Variants in DNAH11 observed in about 807,000 individuals in gnomAD.
DNAH11 encodes axonemal beta dynein heavy chain 11.
Under a neutral mutation model 526.0 loss-of-function variants are expected in DNAH11, and 442 were observed. The ratio of observed to expected loss-of-function variants is 0.84; its 90% CI spans 0.78 to 0.91. The LOEUF is 0.91. Ranked by LOEUF, DNAH11 falls within the 40% of genes least tolerant of loss-of-function variation. The probability of loss-of-function intolerance (pLI) is 0.00; values close to 1 mark genes in which losing one functional copy is unlikely to be tolerated. For synonymous variants in DNAH11, 2,461 were observed against 1,935.9 expected (o/e 1.27, Z -7.12); for missense variants, 6,989 against 5,448.7 (o/e 1.28, Z -8.90).
intron 81 of DNAH11, among the ~76,000 whole-genome samples, 179 bp downstream of exon 81, chr7:21,900,299 A>G (rs576164588): frequency 1.6e-5 from 2 of 122,258 alleles, no homozygotes; most frequent in African/African-American, 2.7e-5. Context: ...ACTGTGAACC[A>G]AACTGTAATA....
chr7:21,586,768 T>C (rs80022920), intron 9 of DNAH11, among the ~76,000 whole-genome samples: 5,460 of 152,326 alleles, frequency 0.036, 117 homozygotes, highest in Middle Eastern at 0.071. Flanking sequence ...TTTTGAGATG[T>C]CTTCTTTCAG....
At chr7:21,624,690 T>C (rs1786248096) in intron 25 of DNAH11, among the ~76,000 whole-genome samples, 1 of 152,208 alleles carries the variant, frequency 6.6e-6, no homozygotes, top group Non-Finnish European at 1.5e-5. Context: ...GTGCTTTTCA[T>C]GTTCAGCCTT....
Position 21,720,788 on chromosome 7 carries a change from G to A in DNAH11, c.7198G>A (p.Glu2400Lys). ...AAATGTACCTTCTGACAGCCCAAAA[G>A]AAGTTTATGAAGTCTATTTTGTATT... ...PENVPSDSPK[E>K]VYEVYFVFAC... Residue 2400 changes from glutamate (E) to lysine (K), a missense_variant, in exon 44 of 82, where the codon GAA (glutamate) becomes AAA (lysine). Physicochemically the swap from Glu to Lys is moderately conservative, Grantham distance 56. Transcript: ENST00000409508. 6.2e-7 allele frequency: 1 copy of A among 1,609,302 alleles called. No homozygotes were observed. Among genetic ancestry groups the A allele is most frequent in the South Asian group, 1.1e-5 (1 of 89,906 alleles).
intron 75 of DNAH11, among the ~76,000 whole-genome samples, chr7:21,883,900 A>C (rs1317710607): frequency 1.3e-5 from 2 of 152,084 alleles, no homozygotes; most frequent in African/African-American, 2.4e-5. Flanking sequence ...AAAATTAGCG[A>C]GATGTAGTGT....
At chr7:21,850,716 G>C (rs1233098537) in intron 66 of DNAH11, among the ~76,000 whole-genome samples, 2 of 147,502 alleles carry the variant, frequency 1.4e-5, no homozygotes, top group African/African-American at 5.0e-5. Context: ...AAAGTAAACA[G>C]AGGTTTAGTG....
At chr7:21,644,117 G>C (rs1292351520) in intron 28 of DNAH11, among the ~76,000 whole-genome samples, 1 of 152,174 alleles carries the variant, frequency 6.6e-6, no homozygotes, top group African/African-American at 2.4e-5. Context: ...ACAGCGATGA[G>C]ACAGATGGCA....
At chr7:21,885,379 G>A (rs1455643437) in intron 76 of DNAH11, among the ~76,000 whole-genome samples, 2 of 151,034 alleles carry the variant, frequency 1.3e-5, no homozygotes, top group African/African-American at 4.8e-5. Flanking sequence ...ACAAATACAT[G>A]TTCTCACACA....
intron 57 of DNAH11, among the ~76,000 whole-genome samples, chr7:21,781,902 T>C (rs1361752522): frequency 6.6e-6 from 1 of 152,218 alleles, no homozygotes; most frequent in Admixed American, 6.5e-5. Flanking sequence ...CTTCTTGCTG[T>C]ATCATCACAT....
chr7:21,570,093 G>T lies in DNAH11; in HGVS notation c.1219G>T (p.Asp407Tyr), dbSNP rs1238780598. 2 of 1,610,396 alleles carry T rather than the reference G, an allele frequency of 1.2e-6. No individual in the cohort carries two copies. Among genetic ancestry groups the T allele is most frequent in the Admixed American group, 3.4e-5 (2 of 59,536 alleles). ...NQATAYLSPE[D>Y]LLRGEIEESL... The stretch of plus-strand genomic sequence containing the variant: ...GGCAACAGCTTACCTTTCACCTGAG[G>T]ACCTTTTGAGGGGAGAAATAGAAGA... The change falls in exon 7 of 82, where the codon GAC (aspartate) becomes TAC (tyrosine). Residue 407 changes from aspartate (D) to tyrosine (Y), a missense_variant. By Grantham distance (160) the Asp-to-Tyr change is radical. Coordinates refer to ENST00000409508, the MANE Select transcript of DNAH11 (RefSeq NM_001277115.2).
chr7:21,895,485 G>A (rs533964064), intron 79 of DNAH11, among the ~76,000 whole-genome samples: 2 of 152,284 alleles, frequency 1.3e-5, no homozygotes, highest in South Asian at 2.1e-4. Flanking sequence ...CTGCAGAGAT[G>A]TGTCACAAAG....
intron 9 of DNAH11, among the ~76,000 whole-genome samples, chr7:21,583,908 C>T (rs963439545): frequency 7.9e-5 from 12 of 152,086 alleles, no homozygotes; most frequent in Admixed American, 5.2e-4. Context: ...GAATGGCGAT[C>T]ATTAAAAAGT....
chr7:21,745,030 A>G lies in DNAH11; in HGVS notation c.8477A>G (p.His2826Arg), dbSNP rs754365174. 6.2e-6 allele frequency: 10 copies of G among 1,609,444 alleles called. No homozygotes were observed. The South Asian group carries it at 1.1e-4, about 18-fold the overall frequency. Residue 2826 changes from histidine to arginine, a missense_variant, in exon 51 of 82, where the codon CAC becomes CGC. By Grantham distance (29) the His-to-Arg change is conservative. Coordinates refer to ENST00000409508, the MANE Select transcript of DNAH11 (RefSeq NM_001277115.2). Reference sequence around the variant, plus strand: ...TACAATGAACTAAATGCTGCCATGCACCTAGTTTTGTTTGAAGATGCCATG... The same window carrying G: ...TACAATGAACTAAATGCTGCCATGCGCCTAGTTTTGTTTGAAGATGCCATG... ...DNYNELNAAM[H>R]LVLFEDAMQH... is the part of the protein sequence containing the mutation.
intron 66 of DNAH11, among the ~76,000 whole-genome samples, chr7:21,850,869 T>C (rs963523662): frequency 6.6e-6 from 1 of 152,294 alleles, no homozygotes; most frequent in East Asian, 1.9e-4. Flanking sequence ...AATCTGTGCT[T>C]TGCAAATCTC....
chr7:21,775,470 G>T (rs1787631715), intron 56 of DNAH11, among the ~76,000 whole-genome samples: 2 of 151,840 alleles, frequency 1.3e-5, no homozygotes, highest in South Asian at 4.2e-4. Context: ...ATTTTTTAAT[G>T]AGCCGAGCAT....
At chr7:21,615,011 T>C in intron 20 of DNAH11, 103 bp from the exon 21 acceptor site, 1 of 1,314,184 alleles carries the variant, frequency 7.6e-7, no homozygotes, top group Non-Finnish European at 1.0e-6. Context: ...TATTTTCCCG[T>C]TAAAAATCAA....
chr7:21,641,711 A>T (rs928884434), intron 28 of DNAH11, among the ~76,000 whole-genome samples: 31 of 152,128 alleles, frequency 2.0e-4, no homozygotes, highest in African/African-American at 5.6e-4. Flanking sequence ...CTTTAAAAAA[A>T]TTTTTTACAA....
At chr7:21,800,690 A>G (rs558065748) in intron 61 of DNAH11, among the ~76,000 whole-genome samples, 1 of 152,318 alleles carries the variant, frequency 6.6e-6, no homozygotes, top group African/African-American at 2.4e-5. Context: ...TCAGTAATTA[A>G]CACCCCTCTT....
intron 20 of DNAH11, among the ~76,000 whole-genome samples, chr7:21,608,300 AT>A (rs1785384197): frequency 6.6e-6 from 1 of 152,226 alleles, no homozygotes. Flanking sequence ...TTAAACTTTT[AT>A]TAGAAAAATG....
intron 35 of DNAH11, among the ~76,000 whole-genome samples, chr7:21,696,173 A>C (rs965077259): frequency 5.3e-5 from 8 of 152,206 alleles, no homozygotes; most frequent in Admixed American, 3.9e-4. Flanking sequence ...TAATCTAAGA[A>C]TGTCTACAGT....
Sources: allele counts gnomAD v4.1 joint callset (sites outside exome capture counted in the v4.1 genomes callset), GRCh38; gene constraint gnomAD v4.1.1; transcripts MANE v1.5; gene names NCBI Gene and HGNC (gene_info 2026-07-23, HGNC 2026-07-21).